BLVRA: variants seen among roughly 807,000 people sequenced by gnomAD.
The protein encoded by BLVRA is BVR A.
Under a neutral mutation model 32.8 loss-of-function variants are expected in BLVRA, and 22 were observed. That is an observed-to-expected ratio of 0.67 (90% CI 0.48 to 0.96). The LOEUF (loss-of-function observed/expected upper bound fraction) is 0.96. Ranked by LOEUF, BLVRA falls within the 40% of genes least tolerant of loss-of-function variation. The pLI, the probability that BLVRA is intolerant of heterozygous loss-of-function variation, is 0.00. For missense variants in BLVRA, 323 were observed against 358.1 expected (o/e 0.90, Z 0.79); for synonymous variants, 119 against 141.3 (o/e 0.84, Z 1.12).
At chr7:43,758,204 A>C (rs1295887964), upstream of BLVRA, among the ~76,000 whole-genome samples, 1 of 152,168 alleles carries the variant, frequency 6.6e-6, no homozygotes, top group Non-Finnish European at 1.5e-5. Context: ...TCACATTTAC[A>C]GGAAGGACTC....
At chr7:43,769,807 C>G (rs1057067895) in intron 1 of BLVRA, among the ~76,000 whole-genome samples, 1 of 152,114 alleles carries the variant, frequency 6.6e-6, no homozygotes, top group Non-Finnish European at 1.5e-5. Context: ...CGGGGTTTCG[C>G]CATGTTAGCC....
rs1000604524 is a variant in BLVRA, at chr7:43,787,733, C to T, written c.13-171C>T. Among the ~76,000 whole-genome samples, 2 of 152,178 alleles carry T rather than the reference C, an allele frequency of 1.3e-5. No individual in the cohort carries two copies. The highest frequency in any genetic ancestry group is 2.9e-5 in the Non-Finnish European group (2 of 68,032). On this transcript the variant is annotated intron_variant, in intron 2 of 7. Transcript: ENST00000265523. This position sits in a 1 kb window ranked among gnomAD's most constrained non-coding sequence, Gnocchi z 4.5. ...GGTTTTGGCGGGACTGACTTCTCTC[C>T]AAGCCCCCATTTCGGGGACTGTCTC...
In BLVRA at chr7:43,787,806, A is replaced by T; in HGVS notation, c.13-98A>T. On this transcript the variant is annotated intron_variant, in intron 2 of 7. Coordinates refer to ENST00000265523, the MANE Select transcript of BLVRA (RefSeq NM_000712.4). The surrounding 1 kb of genome is among the most constrained non-coding windows in gnomAD (Gnocchi z 4.5). ...TCCTGTGTGTTTTGGGCTGGCTTCC[A>T]TCTTGCTCGTCGGGACCCTGCCAGC... is the stretch of plus-strand genomic sequence containing the variant. The T allele has an allele frequency of 6.3e-7, 1 of 1,592,936 alleles. No individual in the cohort carries two copies. The highest frequency in any genetic ancestry group is 1.1e-5 in the South Asian group (1 of 90,436).
chr7:43,762,981 C>T (rs2095744071), intron 1 of BLVRA, among the ~76,000 whole-genome samples: 1 of 152,158 alleles, frequency 6.6e-6, no homozygotes, highest in Non-Finnish European at 1.5e-5. Flanking sequence ...GTATGTGCCA[C>T]TGGCATCTAG....
chr7:43,788,057 C>G, intron 3 of BLVRA, 32 bp downstream of exon 3: 1 of 1,614,170 alleles, frequency 6.2e-7, no homozygotes, highest in Non-Finnish European at 8.5e-7. Context: ...CTTCATAATT[C>G]ATGGAAAGCC....
intron 1 of BLVRA, among the ~76,000 whole-genome samples, chr7:43,761,809 T>C (rs1334991242): frequency 1.3e-5 from 2 of 152,164 alleles, no homozygotes; most frequent in Non-Finnish European, 2.9e-5. Flanking sequence ...TATAGAAAAG[T>C]TTAAAGTGTA....
intron 2 of BLVRA, among the ~76,000 whole-genome samples, chr7:43,773,442 TC>T: frequency 6.6e-6 from 1 of 152,346 alleles, no homozygotes; most frequent in South Asian, 2.1e-4. Flanking sequence ...TCCAGTTTCA[TC>T]CATGTCCCTA....
intron 2 of BLVRA, among the ~76,000 whole-genome samples, chr7:43,784,678 A>G (rs1304891842): frequency 2.2e-5 from 3 of 136,148 alleles, no homozygotes; most frequent in African/African-American, 8.5e-5. Flanking sequence ...ATCTTGGCTC[A>G]CCGCAACCCC....
At chr7:43,770,953 C>T (rs1182048992) in intron 1 of BLVRA, among the ~76,000 whole-genome samples, 185 bp from the exon 2 acceptor site, 1 of 152,140 alleles carries the variant, frequency 6.6e-6, no homozygotes, top group Non-Finnish European at 1.5e-5. Context: ...CAGCTACCAC[C>T]AGCCCCAAAG....
At position 43,803,751 on chromosome 7, in the gene BLVRA, T is replaced by A; in HGVS notation, c.536T>A (p.Leu179His). ...GISRLTWLVS[L>H]FGELSLVSAT... ...TCTCGCCTGACCTGGCTGGTCTCCC[T>A]CTTTGGGGAGCTTTCTCTTGTGTCT... The change falls in exon 7 of 8, where the codon CTC becomes CAC. Residue 179 changes from leucine (L) to histidine (H), a missense_variant. By Grantham distance (99) the Leu-to-His change is moderately conservative (BLOSUM62 -3). Coordinates refer to ENST00000265523, the MANE Select transcript of BLVRA (RefSeq NM_000712.4). 3.7e-6 allele frequency: 6 copies of A among 1,614,142 alleles called. No homozygotes were observed. The highest frequency in any genetic ancestry group is 5.1e-6 in the Non-Finnish European group (6 of 1,180,008).
At chr7:43,806,890 T>C (rs961986836) in intron 7 of BLVRA, 87 bp from the exon 8 acceptor site, 8 of 1,502,472 alleles carry the variant, frequency 5.3e-6, no homozygotes, top group Non-Finnish European at 7.4e-6. Context: ...GACAAGGACA[T>C]GTTACCAGGC....
intron 4 of BLVRA, 88 bp from the exon 5 acceptor site, chr7:43,792,627 T>C (rs2095787364): frequency 7.7e-7 from 1 of 1,299,446 alleles, no homozygotes; most frequent in African/African-American, 1.5e-5. Context: ...TCTCATGCCT[T>C]TATAACATTC....
intron 7 of BLVRA, among the ~76,000 whole-genome samples, chr7:43,805,189 C>T (rs1214534778): frequency 6.6e-6 from 1 of 151,874 alleles, no homozygotes; most frequent in Non-Finnish European, 1.5e-5. Context: ...GCTCATGGTT[C>T]TGATGGGAGG....
intron 2 of BLVRA, among the ~76,000 whole-genome samples, chr7:43,778,970 A>G (rs1317967774): frequency 6.6e-6 from 1 of 152,252 alleles, no homozygotes; most frequent in Non-Finnish European, 1.5e-5. Context: ...TGTGCAGAAT[A>G]TAATCTCCTG....
At chr7:43,783,957 C>CA (rs905632712) in intron 2 of BLVRA, among the ~76,000 whole-genome samples, 3 of 152,048 alleles carry the variant, frequency 2.0e-5, no homozygotes, top group Non-Finnish European at 2.9e-5. Flanking sequence ...CTCTTTATCT[C>CA]AAAAAAAATT....
At chr7:43,775,989 C>T (rs2095760440) in intron 2 of BLVRA, among the ~76,000 whole-genome samples, 2 of 152,030 alleles carry the variant, frequency 1.3e-5, no homozygotes, top group African/African-American at 2.4e-5. Flanking sequence ...TAGTGATATC[C>T]CCTTTATCAT....
intron 2 of BLVRA, among the ~76,000 whole-genome samples, chr7:43,777,935 T>TGA (rs1563540388): frequency 4.5e-4 from 69 of 152,372 alleles, no homozygotes; most frequent in African/African-American, 1.6e-3. Context: ...TTGATCGCAT[T>TGA]GGCTCCTGAG....
Position 43,803,760 on chromosome 7 carries a change from A to T in BLVRA, c.545A>T (p.Glu182Val). The T allele has an allele frequency of 6.2e-7, 1 of 1,614,112 alleles. No individual in the cohort carries two copies. Among genetic ancestry groups the T allele is most frequent in the Non-Finnish European group, 8.5e-7 (1 of 1,180,008 alleles). ...RLTWLVSLFG[E>V]LSLVSATLEE... ...ACCTGGCTGGTCTCCCTCTTTGGGG[A>T]GCTTTCTCTTGTGTCTGCCACTTTG... The change falls in exon 7 of 8, where the codon GAG (glutamate) becomes GTG (valine). Residue 182 changes from glutamate (E) to valine (V), a missense_variant. Physicochemically the swap from Glu to Val is moderately radical, Grantham distance 121 (BLOSUM62 -2). Coordinates refer to ENST00000265523, the MANE Select transcript of BLVRA (RefSeq NM_000712.4).
rs774565367 is a variant in BLVRA at position 43,800,561 on chromosome 7, T to C, written c.449T>C (p.Leu150Pro). The change falls in exon 6 of 8, where the codon CTC becomes CCC. Residue 150 changes from leucine to proline, a missense_variant. By Grantham distance (98) the Leu-to-Pro change is moderately conservative (BLOSUM62 -3). Coordinates refer to ENST00000265523, the MANE Select transcript of BLVRA (RefSeq NM_000712.4). ...GGGAAAGACCTGCTGAAAGGGTCGC[T>C]CCTCTTCACAGGTCAGTGCTACGTG... Reference protein sequence around the residue: ...VVGKDLLKGSLLFTAGPLEEE... With the variant: ...VVGKDLLKGSPLFTAGPLEEE... 1 of 1,613,854 alleles carries C rather than the reference T, an allele frequency of 6.2e-7. No individual in the cohort carries two copies. The highest frequency in any genetic ancestry group is 1.1e-5 in the South Asian group (1 of 91,068).
Sources: allele counts gnomAD v4.1 joint callset (sites outside exome capture counted in the v4.1 genomes callset), GRCh38; gene constraint gnomAD v4.1.1; non-coding constraint Gnocchi (gnomAD v3.1); transcripts MANE v1.5; gene names NCBI Gene and HGNC (gene_info 2026-07-23, HGNC 2026-07-21).